The following TRANK1 variants were observed in gnomAD, a reference collection of about 807,000 sequenced individuals.
TRANK1 encodes the protein tetratricopeptide repeat and ankyrin repeat containing 1, also known as TPR and ankyrin repeat-containing protein 1.
A neutral mutation model predicts 266.0 loss-of-function variants in TRANK1; 198 were observed. The observed-to-expected ratio is 0.74, with a 90% CI of 0.66 to 0.84. The LOEUF (loss-of-function observed/expected upper bound fraction) is 0.84, where lower values mean the gene tolerates loss of function less well. TRANK1 is among the 40% of genes least tolerant of loss of function. The pLI is 0.00. For synonymous variants in TRANK1, 1,396 were observed against 1,384.1 expected (o/e 1.01, Z -0.19); for missense variants, 3,326 against 3,634.6 (o/e 0.92, Z 2.18).
chr3:36,942,250 T>C (rs974690929), intron 1 of TRANK1, among the ~76,000 whole-genome samples: 2 of 152,168 alleles, frequency 1.3e-5, no homozygotes, highest in Non-Finnish European at 2.9e-5. Context: ...CTGAGAGCCA[T>C]GGACTGGGAA....
At position 36,828,343 on chromosome 3, in the gene TRANK1, C is replaced by T; in HGVS notation, c.8842G>A (p.Val2948Ile). Residue 2948 changes from valine (V) to isoleucine (I), a missense_variant, in exon 24 of 24, where the codon GTT (valine) becomes ATT (isoleucine). Physicochemically the swap from Val to Ile is conservative, Grantham distance 29 (BLOSUM62 3). Coordinates refer to ENST00000645898, the MANE Select transcript of TRANK1 (RefSeq NM_001329998.2). Reference sequence around the variant, plus strand: ...GGCCGAAGCTCACCAAAGTCTTCAACTTCATTTTCATAATCATCTTCCTGA... The same window carrying T: ...GGCCGAAGCTCACCAAAGTCTTCAATTTCATTTTCATAATCATCTTCCTGA... ...IVQEDDYENE[V>I]EDFGELRPRR... 1 of 1,499,944 alleles carries T rather than the reference C, an allele frequency of 6.7e-7. No homozygotes were observed. Among genetic ancestry groups the T allele is most frequent in the Non-Finnish European group, 9.0e-7 (1 of 1,108,142 alleles). 92.9% of individuals were successfully genotyped at this position (1,499,944 alleles called of 1,614,324 possible). A position where few individuals can be genotyped will look rare whatever the true frequency, so the allele number is the denominator to read the frequency against.
In TRANK1 at chr3:36,832,128, G is replaced by A; in HGVS notation, c.7455C>T (p.Leu2485=). 3.7e-6 allele frequency: 6 copies of A among 1,614,018 alleles called. No homozygotes were observed. Among genetic ancestry groups the A allele is most frequent in the Non-Finnish European group, 5.1e-6 (6 of 1,179,894 alleles). The change falls in exon 22 of 24, where the codon CTC becomes CTT. Residue 2485 remains leucine, a synonymous_variant. Transcript: ENST00000645898. ...TAAACAGGAACTCCCAGTAGTGCAA[G>A]AGTGCAATGTAGCTCTTGGGGAGGC... ...ILCLPKSYIA[L]LHYWEFLFSK... is the part of the protein sequence containing the mutation.
chr3:36,829,478 C>T, intron 23 of TRANK1, 86 bp downstream of exon 23: 1 of 1,343,226 alleles, frequency 7.4e-7, no homozygotes, highest in Non-Finnish European at 1.1e-6. Flanking sequence ...CTGGGCTGCC[C>T]CACTTCAGAT....
rs933141889 is a variant in TRANK1, at chr3:36,832,808, T to C, written c.6775A>G (p.Thr2259Ala). 12 of 1,613,862 alleles carry C rather than the reference T, an allele frequency of 7.4e-6. No individual in the cohort carries two copies. Among genetic ancestry groups the C allele is most frequent in the Non-Finnish European group, 1.0e-5 (12 of 1,179,878 alleles). The change falls in exon 22 of 24, where the codon ACA (threonine) becomes GCA (alanine). Residue 2259 changes from threonine (T) to alanine (A), a missense_variant. Physicochemically the swap from Thr to Ala is moderately conservative, Grantham distance 58. Transcript: ENST00000645898. Reference protein sequence around the residue: ...ELKEIDYILSTDMYGLCKSIL... With the variant: ...ELKEIDYILSADMYGLCKSIL... ...GACTTGCAAAGGCCATACATATCTG[T>C]AGACAAAATATAATCAATTTCTTTA...
chr3:36,918,129 T>A (rs1440486848), intron 1 of TRANK1, among the ~76,000 whole-genome samples: 1 of 152,216 alleles, frequency 6.6e-6, no homozygotes, highest in Admixed American at 6.5e-5. Flanking sequence ...CAGGGCATCA[T>A]GCTAAGTGAA....
intron 1 of TRANK1, among the ~76,000 whole-genome samples, chr3:36,915,030 C>T (rs757048790): frequency 3.3e-5 from 5 of 152,192 alleles, no homozygotes; most frequent in African/African-American, 7.2e-5. Flanking sequence ...CCACTCACTG[C>T]AAGCTCCGCC....
At chr3:36,848,106 T>G (rs149873242) in intron 15 of TRANK1, among the ~76,000 whole-genome samples, 18 of 152,360 alleles carry the variant, frequency 1.2e-4, no homozygotes, top group Non-Finnish European at 2.4e-4. Context: ...GCGGGTCACA[T>G]GATCTCTCTT....
At chr3:36,912,649 C>A (rs1004700687) in intron 1 of TRANK1, among the ~76,000 whole-genome samples, 6 of 152,142 alleles carry the variant, frequency 3.9e-5, no homozygotes, top group African/African-American at 1.2e-4. Flanking sequence ...GATTTTGAAA[C>A]AAGCAAGTCT....
chr3:36,900,918 A>G (rs898776968), intron 3 of TRANK1, among the ~76,000 whole-genome samples: 4 of 149,522 alleles, frequency 2.7e-5, no homozygotes, highest in Non-Finnish European at 5.9e-5. Context: ...AAAAGGAAGT[A>G]CTTTAAAACT....
chr3:36,866,647 C>T (rs535350832), intron 9 of TRANK1, among the ~76,000 whole-genome samples: 1 of 152,348 alleles, frequency 6.6e-6, no homozygotes, highest in South Asian at 2.1e-4. Context: ...TCACTAGCTG[C>T]AGGCTGCCTT....
chr3:36,864,597 G>A, intron 9 of TRANK1, 117 bp from the exon 10 acceptor site: 1 of 930,348 alleles, frequency 1.1e-6, no homozygotes, highest in Non-Finnish European at 1.5e-6. Flanking sequence ...AGTGTGACTT[G>A]CTGCTCCTCT....
chr3:36,888,097 G>T (rs781085727), intron 8 of TRANK1, among the ~76,000 whole-genome samples: 30 of 152,108 alleles, frequency 2.0e-4, no homozygotes, highest in Admixed American at 6.6e-5. Context: ...CAACCCAAAC[G>T]CCCATCAACT....
chr3:36,918,104 A>G (rs1228669934), intron 1 of TRANK1, among the ~76,000 whole-genome samples: 1 of 152,182 alleles, frequency 6.6e-6, no homozygotes, highest in African/African-American at 2.4e-5. Flanking sequence ...ACAAGATACA[A>G]CATGGATGAA....
intron 13 of TRANK1, 58 bp downstream of exon 13, chr3:36,855,115 G>C: frequency 6.8e-7 from 1 of 1,471,612 alleles, no homozygotes; most frequent in Non-Finnish European, 9.2e-7. Context: ...AGCTTCAAAG[G>C]CAGCCCAAAG....
At chr3:36,853,265 T>C (rs978366623) in intron 13 of TRANK1, among the ~76,000 whole-genome samples, 2 of 152,210 alleles carry the variant, frequency 1.3e-5, no homozygotes, top group Non-Finnish European at 2.9e-5. Context: ...CTCCCAGTGA[T>C]AGGATTTGAA....
At position 36,847,281 on chromosome 3, in the gene TRANK1, G is replaced by GT. The variant is rs1559423856; in HGVS notation, c.4952dup (p.Asn1651LysfsTer6). 3 of 1,613,526 alleles carry GT rather than the reference G, an allele frequency of 1.9e-6. No homozygotes were observed. Among genetic ancestry groups the GT allele is most frequent in the Non-Finnish European group, 2.5e-6 (3 of 1,179,778 alleles). On this transcript the variant is annotated frameshift_variant, in exon 16 of 24. Transcript: ENST00000645898. LOFTEE classifies it high-confidence loss of function. ...CCAGGGGTACTTCAACCAATGGCCG[G>GT]TTTTCCTCTCTGGAGTCAGTTGAGG...
In TRANK1 at chr3:36,892,919, T is replaced by G. The variant is rs929998746; in HGVS notation, c.618A>C (p.Ser206=). Residue 206 remains serine, a synonymous_variant, in exon 6 of 24, where the codon TCA becomes TCC. Coordinates refer to ENST00000645898, the MANE Select transcript of TRANK1 (RefSeq NM_001329998.2). ...LPRNIHVPEL[S]LKSLFEKYVF... ...ACCTTACCTCAAAGAGACTTTTCAGTGATAACTCTGGGACATGAATATTTC... is the reference window on the plus strand; with the variant it reads ...ACCTTACCTCAAAGAGACTTTTCAGGGATAACTCTGGGACATGAATATTTC... 4 of 1,491,354 alleles carry G rather than the reference T, an allele frequency of 2.7e-6. No homozygotes were observed. The highest frequency in any genetic ancestry group is 3.5e-6 in the Non-Finnish European group (4 of 1,128,494). 92.4% of individuals were successfully genotyped at this position (1,491,354 alleles called of 1,614,324 possible).
At chr3:36,864,640 C>T (rs578138831) in intron 9 of TRANK1, among the ~76,000 whole-genome samples, 160 bp from the exon 10 acceptor site, 3 of 152,214 alleles carry the variant, frequency 2.0e-5, no homozygotes, top group Non-Finnish European at 2.9e-5. Context: ...CCCCTCCACC[C>T]TCCCCTGATT....
At position 36,861,180 on chromosome 3, in the gene TRANK1, G is replaced by C. The variant is rs765845555; in HGVS notation, c.1241-20C>G. 6.5e-7 allele frequency: 1 copy of C among 1,530,334 alleles called. No homozygotes were observed. Among genetic ancestry groups the C allele is most frequent in the South Asian group, 1.2e-5 (1 of 83,496 alleles). The allele number at this position is 1,530,334 out of a possible 1,614,324, so 94.8% of individuals were successfully genotyped here. On this transcript the variant is annotated intron_variant, in intron 10 of 23. Coordinates refer to ENST00000645898, the MANE Select transcript of TRANK1 (RefSeq NM_001329998.2). The stretch of plus-strand genomic sequence containing the variant: ...GAATTTCTTTCAAAAATAAGAGTAA[G>C]ACACATTCCAAAAATGTTCATATGA...
Sources: allele counts gnomAD v4.1 joint callset (sites outside exome capture counted in the v4.1 genomes callset), GRCh38; gene constraint gnomAD v4.1.1; transcripts MANE v1.5; gene names NCBI Gene and HGNC (gene_info 2026-07-23, HGNC 2026-07-21).